The following RFFL variants were observed in gnomAD, a reference collection of about 807,000 sequenced individuals.
RFFL encodes ring finger and FYVE like domain containing E3 ubiquitin protein ligase.
A neutral mutation model predicts 40.4 loss-of-function variants in RFFL; 16 were observed. The observed-to-expected ratio is 0.40, with a 90% confidence interval of 0.27 to 0.60. The LOEUF is 0.60. Ranked by LOEUF, RFFL falls within the 20% of genes least tolerant of loss-of-function variation. The pLI is 0.47. For synonymous variants in RFFL, 154 were observed against 167.9 expected, an observed-to-expected ratio of 0.92 and a Z score of 0.64; for missense variants, 367 against 451.7, an observed-to-expected ratio of 0.81 and a Z score of 1.70.
At chr17:35,060,985 T>C (rs1455674653) in intron 1 of RFFL, among the ~76,000 whole-genome samples, 1 of 150,936 alleles carries the variant, frequency 6.6e-6, no homozygotes, top group Non-Finnish European at 1.5e-5. Context: ...GAAGGGAGAG[T>C]CCATTGGGAA....
chr17:35,084,501 G>A (rs892950472), intron 1 of RFFL, among the ~76,000 whole-genome samples: 9 of 152,228 alleles, frequency 5.9e-5, no homozygotes, highest in African/African-American at 2.2e-4. Context: ...GGCTGAGGCA[G>A]GCACATCACT....
At chr17:35,036,918 A>C (rs2091127074) in intron 1 of RFFL, among the ~76,000 whole-genome samples, 1 of 152,210 alleles carries the variant, frequency 6.6e-6, no homozygotes, top group African/African-American at 2.4e-5. Context: ...GAGGAGTAGA[A>C]GGGCCATGCT....
chr17:35,017,610 T>C lies in RFFL; in HGVS notation c.592-4A>G. 6.2e-7 allele frequency: 1 copy of C among 1,603,148 alleles called. No individual in the cohort carries two copies. Among genetic ancestry groups the C allele is most frequent in the Non-Finnish European group, 8.5e-7 (1 of 1,172,662 alleles). On this transcript the variant is annotated splice_region_variant and splice_polypyrimidine_tract_variant and intron_variant, in intron 3 of 6. Coordinates refer to ENST00000394597, the MANE Select transcript of RFFL (RefSeq NM_001017368.2). Reference sequence around the variant, plus strand: ...CCTGAGACACATGGCCATTGGCCTGTGGGAAGAGAAAAGTAACATCACATC... The same window carrying C: ...CCTGAGACACATGGCCATTGGCCTGCGGGAAGAGAAAAGTAACATCACATC...
upstream of RFFL, among the ~76,000 whole-genome samples, chr17:35,067,346 G>T (rs368736723): frequency 1.4e-3 from 216 of 151,844 alleles, 1 homozygote; most frequent in African/African-American, 5.1e-3. Context: ...TCGAACTCCT[G>T]ACCTCAGGTG....
chr17:35,024,948 TA>T (rs1452042387), intron 2 of RFFL, among the ~76,000 whole-genome samples: 5 of 152,210 alleles, frequency 3.3e-5, no homozygotes, highest in Admixed American at 1.3e-4. Context: ...ATTGTACCAA[TA>T]ACCATCTTTT....
intron 1 of RFFL, among the ~76,000 whole-genome samples, chr17:35,087,081 C>G (rs1333609388): frequency 6.6e-6 from 1 of 152,162 alleles, no homozygotes; most frequent in Non-Finnish European, 1.5e-5. Flanking sequence ...GTGTTCCGGC[C>G]TGGCGCGGTG....
Position 35,009,996 on chromosome 17 carries a change from A to C in RFFL, c.*1972T>G, listed in dbSNP as rs1021106692. ...CTTCATGAGCAAATCTGATTCCCCC[A>C]ACTCCTGCAAAGGCTGTGGTTCAGA... On this transcript the variant is annotated 3_prime_UTR_variant, in exon 7 of 7. Coordinates refer to ENST00000394597, the MANE Select transcript of RFFL (RefSeq NM_001017368.2). 1.3e-5 allele frequency: 2 copies of C among 152,682 alleles called. No homozygotes were observed. Among genetic ancestry groups the C allele is most frequent in the African/African-American group, 4.8e-5 (2 of 41,468 alleles). 9.5% of individuals were successfully genotyped at this position (152,682 alleles called of 1,614,324 possible). A position where few individuals can be genotyped will look rare whatever the true frequency, so the allele number is the denominator to read the frequency against.
upstream of RFFL, among the ~76,000 whole-genome samples, chr17:35,068,394 T>C (rs76269003): frequency 0.022 from 3,413 of 152,304 alleles, 105 homozygotes; most frequent in African/African-American, 0.078. Context: ...CAGAGATCAT[T>C]CCATCTTGGG....
Position 35,010,976 on chromosome 17 carries a change from A to G in RFFL, c.*992T>C, listed in dbSNP as rs958079944. 3 of 152,236 alleles carry G rather than the reference A, an allele frequency of 2.0e-5. No homozygotes were observed. Among genetic ancestry groups the G allele is most frequent in the African/African-American group, 7.2e-5 (3 of 41,450 alleles). The allele number at this position is 152,236 out of a possible 1,614,324, so 9.4% of individuals were successfully genotyped here. A position where few individuals can be genotyped will look rare whatever the true frequency, so the allele number is the denominator to read the frequency against. On this transcript the variant is annotated 3_prime_UTR_variant, in exon 7 of 7. Transcript: ENST00000394597. ...AACAGCAGTCTGGCCAGAGAAGAGC[A>G]CAGGCTCTTTGCCTAAATCTATTTC...
intron 1 of RFFL, among the ~76,000 whole-genome samples, chr17:35,042,823 C>CAAAAAAAAAAAAAAAA (rs11296826): frequency 1.7e-5 from 1 of 60,452 alleles, no homozygotes; most frequent in African/African-American, 5.0e-5. Flanking sequence ...GACTCCATCT[C>CAAAAAAAAAAAAAAAA]AAAAAAAAAA....
intron 2 of RFFL, among the ~76,000 whole-genome samples, chr17:35,024,633 T>C (rs1262808351): frequency 6.6e-6 from 1 of 152,234 alleles, no homozygotes; most frequent in Non-Finnish European, 1.5e-5. Context: ...TCCTGAATGT[T>C]ATCTGTGCTT....
rs543877851 is a variant in RFFL, at chr17:35,072,257, G to A, written c.-9+16848C>T. Among the ~76,000 whole-genome samples, 4 of 151,028 alleles carry A rather than the reference G, an allele frequency of 2.6e-5. No homozygotes were observed. The East Asian group carries it at 7.7e-4, about 29-fold the overall frequency. On this transcript the variant is annotated intron_variant, in intron 1 of 6. Coordinates refer to the RFFL transcript ENST00000315249. ...GATTGCGCCACTGCACTCCAGCCTG[G>A]GCAACAGAGCCAGACACTGTCTCAA...
chr17:35,026,606 C>T (rs1453418530), intron 1 of RFFL, 45 bp from the exon 2 acceptor site: 5 of 1,487,812 alleles, frequency 3.4e-6, no homozygotes, highest in Non-Finnish European at 4.6e-6. Flanking sequence ...TTAAGACACA[C>T]CTCTACTGTC....
chr17:35,036,618 C>T (rs1286216593), intron 1 of RFFL: 1 of 152,174 alleles, frequency 6.6e-6, no homozygotes, highest in Non-Finnish European at 1.5e-5. Flanking sequence ...GAATGGCTAG[C>T]TAGCATGTAG....
intron 1 of RFFL, among the ~76,000 whole-genome samples, chr17:35,045,837 A>G (rs981224059): frequency 6.6e-6 from 1 of 152,118 alleles, no homozygotes; most frequent in Non-Finnish European, 1.5e-5. Context: ...CAGCCTGGCC[A>G]ACATGGCAAA....
chr17:35,084,405 T>A (rs909373196), intron 1 of RFFL, among the ~76,000 whole-genome samples: 4 of 149,378 alleles, frequency 2.7e-5, no homozygotes, highest in African/African-American at 9.9e-5. Context: ...ACCAGCCTGG[T>A]CAATATAGTA....
At position 35,021,591 on chromosome 17, in the gene RFFL, C is replaced by T. The variant is rs149820180; in HGVS notation, c.371G>A (p.Arg124Gln). The T allele has an allele frequency of 9.2e-5, 148 of 1,614,204 alleles. No homozygotes were observed. The highest frequency in any genetic ancestry group is 4.7e-4 in the East Asian group (21 of 44,884). Residue 124 changes from arginine to glutamine, a missense_variant, in exon 3 of 7, where the codon CGG becomes CAG. By Grantham distance (43) the Arg-to-Gln change is conservative (BLOSUM62 1). Transcript: ENST00000394597. ...SLHDISTEMC[R>Q]EKEELVLLVL... is the part of the protein sequence containing the mutation. ...CAAGAGCACCAGCTCTTCTTTCTCC[C>T]GGCACATTTCGGTAGAGATGTCATG...
chr17:35,017,645 C>T (rs1445391800), intron 3 of RFFL, 39 bp from the exon 4 acceptor site: 2 of 1,324,626 alleles, frequency 1.5e-6, no homozygotes, highest in Non-Finnish European at 2.2e-6. Flanking sequence ...CTAGAGATGT[C>T]CCAGAGATCT....
At chr17:35,085,300 T>C (rs1177195976) in intron 1 of RFFL, among the ~76,000 whole-genome samples, 1 of 152,208 alleles carries the variant, frequency 6.6e-6, no homozygotes, top group Non-Finnish European at 1.5e-5. Context: ...TACCAGTCAC[T>C]AGTCACTGTA....
Sources: allele counts gnomAD v4.1 joint callset (sites outside exome capture counted in the v4.1 genomes callset), GRCh38; gene constraint gnomAD v4.1.1; transcripts MANE v1.5; gene names NCBI Gene and HGNC (gene_info 2026-07-23, HGNC 2026-07-21).